The following VWA8 variants were observed in gnomAD, a reference collection of about 807,000 sequenced individuals.
The protein encoded by VWA8 is von Willebrand factor A domain containing 8.
Under a neutral mutation model 241.5 loss-of-function variants are expected in VWA8, and 221 were observed. The ratio of observed to expected loss-of-function variants is 0.91; its 90% CI spans 0.82 to 1.02. The LOEUF is 1.02. VWA8 is among the 50% of genes least tolerant of loss of function. VWA8 has a pLI of 0.00. For synonymous variants in VWA8, 852 were observed against 827.1 expected (o/e 1.03, Z -0.52); for missense variants, 2,322 against 2,328.7 (o/e 1.00, Z 0.06).
At chr13:41,570,747 A>G (rs2139629958) in intron 43 of VWA8, 41 bp from the exon 44 acceptor site, 1 of 1,568,364 alleles carries the variant, frequency 6.4e-7, no homozygotes, top group East Asian at 2.3e-5. Context: ...TGGCTGAGAA[A>G]CTTCTTTTTT....
chr13:41,712,909 A>C (rs2045327420), intron 26 of VWA8, among the ~76,000 whole-genome samples: 1 of 152,244 alleles, frequency 6.6e-6, no homozygotes, highest in African/African-American at 2.4e-5. Context: ...AAGACTTGAT[A>C]AATGTCAACT....
At chr13:41,615,626 C>T (rs114737666) in intron 37 of VWA8, among the ~76,000 whole-genome samples, 130 of 152,244 alleles carry the variant, frequency 8.5e-4, no homozygotes, top group African/African-American at 3.1e-3. Flanking sequence ...CTAAAAACTG[C>T]TTATTTATTT....
In VWA8 at chr13:41,677,652, A is replaced by G. The variant is rs971796278; in HGVS notation, c.4328-2356T>C. On this transcript the variant is annotated intron_variant, in intron 35 of 44. Coordinates refer to ENST00000379310, the MANE Select transcript of VWA8 (RefSeq NM_015058.2). ...TTTGTAAAATATCCCATTTTATAAA[A>G]TCTTGGCCACCAAGTTCTCTTAAAA... Among the ~76,000 whole-genome samples the G allele has an allele frequency of 3.3e-5, 5 of 152,150 alleles. No individual in the cohort carries two copies. The East Asian group carries it at 7.7e-4, about 23-fold the overall frequency.
intron 21 of VWA8, 115 bp from the exon 22 acceptor site, chr13:41,732,270 C>T: frequency 1.2e-6 from 1 of 835,734 alleles, no homozygotes. Context: ...CATCCTGCTT[C>T]CCCTTCCCCC....
chr13:41,890,308 T>C (rs1874772631), intron 5 of VWA8, among the ~76,000 whole-genome samples: 1 of 152,202 alleles, frequency 6.6e-6, no homozygotes, highest in Non-Finnish European at 1.5e-5. Context: ...GCAACCAACC[T>C]GGGGTAGTAA....
chr13:41,573,339 AC>A lies in VWA8; in HGVS notation c.5370+2400del, dbSNP rs542063698. 5.3e-5 allele frequency among the ~76,000 whole-genome samples: 8 copies of A among 149,654 alleles called. 1 individual carries two copies. In the East Asian group the frequency reaches 9.9e-4, roughly 19 times the overall value. ...AGGCTGAGGCAGGAGACTGGCTTGA[AC>A]CCGGGAGGAGGAGGTCGTAGCGGGC... On this transcript the variant is annotated intron_variant, in intron 43 of 44. Transcript: ENST00000379310.
intron 40 of VWA8, among the ~76,000 whole-genome samples, chr13:41,595,296 A>T (rs2044480904): frequency 6.6e-6 from 1 of 152,122 alleles, no homozygotes; most frequent in African/African-American, 2.4e-5. Context: ...TACATATGCC[A>T]ATAAAAGAAA....
At chr13:41,571,355 C>A (rs1056423621) in intron 43 of VWA8, among the ~76,000 whole-genome samples, 8 of 149,324 alleles carry the variant, frequency 5.4e-5, no homozygotes, top group African/African-American at 2.0e-4. Flanking sequence ...CCGTCTCCCT[C>A]TCCCTCTCCC....
chr13:41,870,169 T>TTA (rs1873523326), intron 9 of VWA8, among the ~76,000 whole-genome samples: 1 of 152,166 alleles, frequency 6.6e-6, no homozygotes, highest in African/African-American at 2.4e-5. Context: ...TTCATACAAT[T>TTA]TATATATGCA....
At chr13:41,729,706 A>C (rs1417677170) in intron 22 of VWA8, 29 bp from the exon 23 acceptor site, 1 of 1,596,602 alleles carries the variant, frequency 6.3e-7, no homozygotes. Flanking sequence ...TATCATAAAC[A>C]ATTAAATGAA....
chr13:41,720,943 T>C (rs1347446073), intron 25 of VWA8, among the ~76,000 whole-genome samples: 1 of 152,192 alleles, frequency 6.6e-6, no homozygotes, highest in Admixed American at 6.6e-5. Context: ...CTTGCGGTAT[T>C]TACAGGTATT....
intron 24 of VWA8, among the ~76,000 whole-genome samples, chr13:41,726,242 T>C (rs1044608525): frequency 6.6e-6 from 1 of 152,208 alleles, no homozygotes; most frequent in Non-Finnish European, 1.5e-5. Context: ...AGATGGATAT[T>C]AGGGTTGTTT....
intron 16 of VWA8, among the ~76,000 whole-genome samples, chr13:41,815,983 A>G (rs1003667744): frequency 2.0e-5 from 3 of 152,234 alleles, no homozygotes; most frequent in Admixed American, 6.5e-5. Flanking sequence ...CTAGGTTTCT[A>G]ATTTAGGTAA....
intron 1 of VWA8, among the ~76,000 whole-genome samples, chr13:41,956,790 GTAAAATAAATTATATGGACAAACATA>G (rs755145583): frequency 5.9e-5 from 9 of 152,108 alleles, no homozygotes; most frequent in Non-Finnish European, 1.3e-4. Context: ...GAATGAGACA[GTAAAATAAATTATATGGACAAACATA>G]TAAACTTAAT....
At chr13:41,696,550 A>G (rs992398312) in intron 29 of VWA8, among the ~76,000 whole-genome samples, 3 of 152,188 alleles carry the variant, frequency 2.0e-5, no homozygotes, top group Admixed American at 1.3e-4. Flanking sequence ...GGTCAATCCA[A>G]TATGCTATGA....
chr13:41,888,015 C>A (rs1195579308), intron 5 of VWA8, among the ~76,000 whole-genome samples: 1 of 152,164 alleles, frequency 6.6e-6, no homozygotes, highest in East Asian at 1.9e-4. Flanking sequence ...AGTCACAAAT[C>A]CTGGCTCAAC....
At chr13:41,778,428 C>T (rs192507759) in intron 19 of VWA8, among the ~76,000 whole-genome samples, 3 of 152,212 alleles carry the variant, frequency 2.0e-5, no homozygotes, top group East Asian at 1.9e-4. Context: ...CTGTACACTT[C>T]TAGGGAACAT....
intron 26 of VWA8, among the ~76,000 whole-genome samples, chr13:41,711,805 C>T (rs1410855222): frequency 6.6e-6 from 1 of 151,620 alleles, no homozygotes; most frequent in East Asian, 1.9e-4. Flanking sequence ...ACCTGGGAGG[C>T]GGAGCTTACA....
rs556788318 is a variant in VWA8, at chr13:41,826,713, G to T, written c.1700+3816C>A. 1.0e-3 allele frequency among the ~76,000 whole-genome samples: 157 copies of T among 151,886 alleles called. 4 individuals carry two copies. In the South Asian group the frequency reaches 0.031, roughly 30 times the overall value. ...AGTGAGACTGCTCCAAAAAAAAATGGGAAAAACAAAACAAAACGGGTGTGG... is the reference window on the plus strand; with the variant it reads ...AGTGAGACTGCTCCAAAAAAAAATGTGAAAAACAAAACAAAACGGGTGTGG... On this transcript the variant is annotated intron_variant, in intron 14 of 44. Coordinates refer to ENST00000379310, the MANE Select transcript of VWA8 (RefSeq NM_015058.2).
Sources: allele counts gnomAD v4.1 joint callset (sites outside exome capture counted in the v4.1 genomes callset), GRCh38; gene constraint gnomAD v4.1.1; transcripts MANE v1.5; gene names NCBI Gene and HGNC (gene_info 2026-07-23, HGNC 2026-07-21).